NFYC: variants seen among roughly 807,000 people sequenced by gnomAD.
NFYC encodes nuclear transcription factor Y subunit gamma.
NFYC carries 25 observed loss-of-function variants against 53.1 expected under a neutral mutation model. The ratio of observed to expected loss-of-function variants is 0.47; its 90% CI spans 0.34 to 0.66. The LOEUF is 0.66. Ranked by LOEUF, NFYC falls within the 30% of genes least tolerant of loss-of-function variation. The pLI is 0.01. For synonymous variants in NFYC, 145 were observed against 152.6 expected, an observed-to-expected ratio of 0.95 and a Z score of 0.37; for missense variants, 260 against 422.7, an observed-to-expected ratio of 0.62 and a Z score of 3.38.
intron 1 of NFYC, among the ~76,000 whole-genome samples, chr1:40,700,376 T>C (rs1437481755): frequency 6.6e-6 from 1 of 152,170 alleles, no homozygotes; most frequent in East Asian, 1.9e-4. Context: ...GGGTCTCACT[T>C]TCTTGCCCAC....
At chr1:40,725,250 A>G (rs1244851135) in intron 1 of NFYC, among the ~76,000 whole-genome samples, 1 of 152,054 alleles carries the variant, frequency 6.6e-6, no homozygotes, top group East Asian at 1.9e-4. Flanking sequence ...CTTCCCTTGT[A>G]TTCATTCATT....
Position 40,730,195 on chromosome 1 carries a change from CTTTTTTTTTTTTT to C in NFYC, c.-8-8631_-8-8619del, listed in dbSNP as rs34045698. Among the ~76,000 whole-genome samples the C allele has an allele frequency of 2.9e-5, 3 of 102,020 alleles. No homozygotes were observed. The Admixed American group carries it at 3.5e-4, about 12-fold the overall frequency. The allele number at this position is 102,020 out of a possible 152,430, so 66.9% of individuals were successfully genotyped here. On this transcript the variant is annotated intron_variant, in intron 1 of 9. Coordinates refer to ENST00000447388, the MANE Select transcript of NFYC (RefSeq NM_014223.5). ...GGACTGGCTAATTTTTCTTTCTTTT[CTTTTTTTTTTTTT>C]TTTTTTTTTGGTAGAGATAGGGGGT... is the stretch of plus-strand genomic sequence containing the variant.
chr1:40,745,854 A>C (rs1373956934), intron 2 of NFYC, among the ~76,000 whole-genome samples: 1 of 152,122 alleles, frequency 6.6e-6, no homozygotes, highest in African/African-American at 2.4e-5. Context: ...CTTCAAAGGT[A>C]GGAGTAGATG....
chr1:40,767,704 A>AGT (rs1557943100), intron 8 of NFYC, among the ~76,000 whole-genome samples: 1 of 152,184 alleles, frequency 6.6e-6, no homozygotes, highest in Non-Finnish European at 1.5e-5. Context: ...GGCTGGGCAC[A>AGT]GTGGGTCACG....
At chr1:40,709,307 A>G (rs1389869135) in intron 1 of NFYC, 1 of 152,260 alleles carries the variant, frequency 6.6e-6, no homozygotes, top group African/African-American at 2.4e-5. Flanking sequence ...TTTGGTGTCA[A>G]ATAGCATGCT....
chr1:40,698,996 C>G (rs758315306), intron 1 of NFYC, among the ~76,000 whole-genome samples: 7 of 151,974 alleles, frequency 4.6e-5, no homozygotes, highest in Non-Finnish European at 8.8e-5. Context: ...AATCCCATCT[C>G]TACTAAAGAT....
At chr1:40,760,756 C>T (rs1278561220) in intron 6 of NFYC, among the ~76,000 whole-genome samples, 2 of 151,888 alleles carry the variant, frequency 1.3e-5, no homozygotes, top group Non-Finnish European at 2.9e-5. Flanking sequence ...AGGATTTATT[C>T]TCTGCTCATT....
In NFYC at chr1:40,737,135, A is replaced by G. The variant is rs1458556700; in HGVS notation, c.-8-1701A>G. Reference sequence around the variant, plus strand: ...AGAGCGAAACTCTGTCTCAAAAAAAAAAAAAAAAAAAAAAGTCAAAATCCC... The same window carrying G: ...AGAGCGAAACTCTGTCTCAAAAAAAGAAAAAAAAAAAAAAGTCAAAATCCC... On this transcript the variant is annotated intron_variant, in intron 1 of 9. Coordinates refer to ENST00000447388, the MANE Select transcript of NFYC (RefSeq NM_014223.5). Among the ~76,000 whole-genome samples the G allele has an allele frequency of 2.6e-5, 4 of 151,288 alleles. No individual in the cohort carries two copies. In the East Asian group the frequency reaches 7.8e-4, roughly 29 times the overall value.
rs1441003234 is a variant in NFYC, at chr1:40,710,556, GTTTTCT to G, written c.-9+18694_-9+18699del. 2.0e-5 allele frequency among the ~76,000 whole-genome samples: 3 copies of G among 151,980 alleles called. No individual in the cohort carries two copies. The East Asian group carries it at 5.8e-4, about 29-fold the overall frequency. The stretch of plus-strand genomic sequence containing the variant: ...ACCTGATTTTAAAATGCAATTCTTT[GTTTTCT>G]TTTTATTTGCAAATATGGAATGAAG... On this transcript the variant is annotated intron_variant, in intron 1 of 9. Coordinates refer to ENST00000447388, the MANE Select transcript of NFYC (RefSeq NM_014223.5).
chr1:40,740,294 T>A (rs961557422), intron 2 of NFYC, among the ~76,000 whole-genome samples: 4 of 152,186 alleles, frequency 2.6e-5, no homozygotes, highest in Admixed American at 1.3e-4. Context: ...AAATACTTAT[T>A]ATGTACCAAC....
At chr1:40,767,337 G>T in intron 8 of NFYC, 1 of 294,614 alleles carries the variant, frequency 3.4e-6, no homozygotes, top group Non-Finnish European at 6.6e-6. Flanking sequence ...GATCGTTTAA[G>T]AGCTGGACCC....
intron 5 of NFYC, among the ~76,000 whole-genome samples, chr1:40,755,156 A>G (rs1646141387): frequency 6.6e-6 from 1 of 152,210 alleles, no homozygotes; most frequent in African/African-American, 2.4e-5. Flanking sequence ...TCTTGCTACT[A>G]AAGCGAATGT....
At position 40,738,869 on chromosome 1, in the gene NFYC, G is replaced by A. The variant is rs1418852224; in HGVS notation, c.26G>A (p.Gly9Asp). ...ATGTCCACAGAAGGAGGATTTGGTGGTACTAGCAGCAGTGATGCCCAGCAA... is the reference window on the plus strand; with the variant it reads ...ATGTCCACAGAAGGAGGATTTGGTGATACTAGCAGCAGTGATGCCCAGCAA... MSTEGGFG[G>D]TSSSDAQQSL... is the part of the protein sequence containing the mutation. Residue 9 changes from glycine to aspartate, a missense_variant, in exon 2 of 10, where the codon GGT (glycine) becomes GAT (aspartate). Coordinates refer to ENST00000447388, the MANE Select transcript of NFYC (RefSeq NM_014223.5). 5 of 1,614,058 alleles carry A rather than the reference G, an allele frequency of 3.1e-6. No homozygotes were observed. The highest frequency in any genetic ancestry group is 4.5e-5 in the East Asian group (2 of 44,882).
intron 2 of NFYC, among the ~76,000 whole-genome samples, chr1:40,745,551 T>G (rs1319815843): frequency 6.6e-6 from 1 of 152,230 alleles, no homozygotes; most frequent in Non-Finnish European, 1.5e-5. Flanking sequence ...GTAGTAGATC[T>G]AAAACTTAAA....
In NFYC at chr1:40,726,107, T is replaced by TTGTG. The variant is rs34878179; in HGVS notation, c.-8-12713_-8-12710dup. Among the ~76,000 whole-genome samples the TTGTG allele has an allele frequency of 9.6e-3, 980 of 102,008 alleles. 6 individuals carry two copies. Among genetic ancestry groups the TTGTG allele is most frequent in the Middle Eastern group, 0.078 (15 of 192 alleles). 66.9% of individuals were successfully genotyped at this position (102,008 alleles called of 152,430 possible). On this transcript the variant is annotated intron_variant, in intron 1 of 9. Transcript: ENST00000447388. ...GCTTTGGCAATTTCTGTGTATGTGTTTGTGTGTGTGTGTGTGTGTTTTTTT... is the reference window on the plus strand; with the variant it reads ...GCTTTGGCAATTTCTGTGTATGTGTTTGTGTGTGTGTGTGTGTGTGTGTTTTTTT...
chr1:40,709,916 T>G (rs1230813948), intron 1 of NFYC, among the ~76,000 whole-genome samples: 1 of 152,248 alleles, frequency 6.6e-6, no homozygotes, highest in East Asian at 1.9e-4. Flanking sequence ...ATAATTTTCC[T>G]TTGTTCAAGT....
chr1:40,746,622 T>G (rs1645620306), intron 2 of NFYC, among the ~76,000 whole-genome samples: 1 of 152,218 alleles, frequency 6.6e-6, no homozygotes, highest in Non-Finnish European at 1.5e-5. Flanking sequence ...ATTTTGCTGA[T>G]TTTAGCTAAT....
chr1:40,704,618 G>A (rs531146938), intron 1 of NFYC, among the ~76,000 whole-genome samples: 1 of 152,318 alleles, frequency 6.6e-6, no homozygotes, highest in Admixed American at 6.5e-5. Context: ...TTGATGAGAA[G>A]TAGGACTTGA....
At chr1:40,724,557 T>C (rs937493761) in intron 1 of NFYC, among the ~76,000 whole-genome samples, 3 of 152,216 alleles carry the variant, frequency 2.0e-5, no homozygotes, top group African/African-American at 2.4e-5. Flanking sequence ...ATTGCTGTTA[T>C]ATATGCAGAG....
Sources: allele counts gnomAD v4.1 joint callset (sites outside exome capture counted in the v4.1 genomes callset), GRCh38; gene constraint gnomAD v4.1.1; transcripts MANE v1.5; gene names NCBI Gene and HGNC (gene_info 2026-07-23, HGNC 2026-07-21).